DNAJC9: variants seen among roughly 807,000 people sequenced by gnomAD.
The protein encoded by DNAJC9 is dnaJ homolog subfamily C member 9.
Under a neutral mutation model 32.4 loss-of-function variants are expected in DNAJC9, and 18 were observed. The ratio of observed to expected loss-of-function variants is 0.56; its 90% CI spans 0.38 to 0.82. The LOEUF (loss-of-function observed/expected upper bound fraction) is 0.82. Among genes scored for constraint, DNAJC9 ranks in the 40% least tolerant of loss-of-function variants. DNAJC9 has a pLI of 0.00. For missense variants in DNAJC9, 310 were observed against 321.8 expected (o/e 0.96, Z 0.28); for synonymous variants, 113 against 122.1 (o/e 0.93, Z 0.49).
rs2043979985 is a variant in DNAJC9 at position 73,243,902 on chromosome 10, T to C, written c.604A>G (p.Met202Val). The C allele has an allele frequency of 6.2e-7, 1 of 1,614,146 alleles. No individual in the cohort carries two copies. The change falls in exon 4 of 5, where the codon ATG (methionine) becomes GTG (valine). Residue 202 changes from methionine (M) to valine (V), a missense_variant. By Grantham distance (21) the Met-to-Val change is conservative. Coordinates refer to ENST00000372950, the MANE Select transcript of DNAJC9 (RefSeq NM_015190.5). ...RAQEEAKEAEMSRKELGLDEG... is the reference protein window; with the variant it reads ...RAQEEAKEAEVSRKELGLDEG... ...TCAAGCCCCAACTCCTTTCTGCTCA[T>C]TTCTGCTTCTTTGGCCTCTTCCTGA...
downstream of DNAJC9, among the ~76,000 whole-genome samples, chr10:73,237,701 C>T (rs897965155): frequency 6.6e-6 from 1 of 152,092 alleles, no homozygotes; most frequent in Non-Finnish European, 1.5e-5. Flanking sequence ...GGATTACAGG[C>T]GTGAGCCACC....
intron 3 of DNAJC9, chr10:73,244,504 G>GAAAAAAAAAAAAAAAAA (rs796100576): frequency 1.4e-5 from 1 of 69,814 alleles, no homozygotes. Context: ...AGAAAAAAGA[G>GAAAAAAAAAAAAAAAAA]AAAAAAAAAA....
chr10:73,235,405 A>T, downstream of DNAJC9: 1 of 1,526,830 alleles, frequency 6.5e-7, no homozygotes, highest in Non-Finnish European at 8.8e-7. Flanking sequence ...TTAAGATTTT[A>T]TCTAGAGGCT....
At chr10:73,244,313 T>G (rs889465416) in intron 3 of DNAJC9, 1 of 179,224 alleles carries the variant, frequency 5.6e-6, no homozygotes, top group Non-Finnish European at 1.2e-5. Flanking sequence ...CTGGGTAACA[T>G]AGTGAGACCT....
intron 1 of DNAJC9, 28 bp downstream of exon 1, chr10:73,246,982 G>C: frequency 6.5e-7 from 1 of 1,548,892 alleles, no homozygotes; most frequent in South Asian, 1.2e-5. Context: ...CGCGCAGCCG[G>C]TCGGCTTCGG....
rs191531586 is a variant in DNAJC9, at chr10:73,247,233, T to G, written c.-44A>C. 416 of 1,560,598 alleles carry G rather than the reference T, an allele frequency of 2.7e-4. No individual in the cohort carries two copies. In the Middle Eastern group the frequency reaches 2.7e-3, roughly 10 times the overall value. On this transcript the variant is annotated 5_prime_UTR_variant, in exon 1 of 5. Coordinates refer to ENST00000372950, the MANE Select transcript of DNAJC9 (RefSeq NM_015190.5). ...CCCGGAGGAAGCAGCCGCTCCCAGC[T>G]GCGCCGGGTACAACCCAGGACTGCT...
rs762130947 is a variant in DNAJC9, at chr10:73,245,574, G to A, written c.576+348C>T. ...CCATTCTCTTCTTACCCCCTCAACC[G>A]AGTAAGGATCACTGCCCATCCTGTG... On this transcript the variant is annotated intron_variant, in intron 3 of 4. Coordinates refer to ENST00000372950, the MANE Select transcript of DNAJC9 (RefSeq NM_015190.5). Among the ~76,000 whole-genome samples, 4 of 152,110 alleles carry A rather than the reference G, an allele frequency of 2.6e-5. No individual in the cohort carries two copies. The South Asian group carries it at 8.3e-4, about 31-fold the overall frequency.
chr10:73,247,223 C>A lies in DNAJC9; in HGVS notation c.-34G>T. ...GAGATACGACCCCGGAGGAAGCAGC[C>A]GCTCCCAGCTGCGCCGGGTACAACC... is the stretch of plus-strand genomic sequence containing the variant. On this transcript the variant is annotated 5_prime_UTR_variant, in exon 1 of 5. Coordinates refer to ENST00000372950, the MANE Select transcript of DNAJC9 (RefSeq NM_015190.5). 1 of 1,570,298 alleles carries A rather than the reference C, an allele frequency of 6.4e-7. No homozygotes were observed. The highest frequency in any genetic ancestry group is 8.6e-7 in the Non-Finnish European group (1 of 1,158,790).
rs764216765 is a variant in DNAJC9, at chr10:73,246,007, T to C, written c.491A>G (p.Gln164Arg). ...GACCTCTCCGGCGTCAATAGCTTGC[T>C]GAATGATATTCCTTATCCTGGGTTC... is the stretch of plus-strand genomic sequence containing the variant. ...TEEPRIRNII[Q>R]QAIDAGEVPS... Residue 164 changes from glutamine (Q) to arginine (R), a missense_variant, in exon 3 of 5, where the codon CAG becomes CGG. Physicochemically the swap from Gln to Arg is conservative, Grantham distance 43. Coordinates refer to ENST00000372950, the MANE Select transcript of DNAJC9 (RefSeq NM_015190.5). The C allele has an allele frequency of 6.2e-7, 1 of 1,613,760 alleles. No individual in the cohort carries two copies. Among genetic ancestry groups the C allele is most frequent in the African/African-American group, 1.3e-5 (1 of 75,036 alleles).
chr10:73,232,282 GTAT>G (rs1248931040), intron 2 of DNAJC9, among the ~76,000 whole-genome samples: 1 of 152,118 alleles, frequency 6.6e-6, no homozygotes, highest in Admixed American at 6.5e-5. Context: ...TTTAGGTGTG[GTAT>G]TATTTTATTT....
chr10:73,240,069 C>T (rs1276611521), downstream of DNAJC9, among the ~76,000 whole-genome samples: 1 of 152,158 alleles, frequency 6.6e-6, no homozygotes, highest in Non-Finnish European at 1.5e-5. Context: ...GGGCTACAAG[C>T]AGTGCCACCA....
chr10:73,246,795 T>G lies in DNAJC9; in HGVS notation c.214A>C (p.Arg72=). The change falls in exon 2 of 5, where the codon AGA becomes CGA. Residue 72 remains arginine, a synonymous_variant. Coordinates refer to ENST00000372950, the MANE Select transcript of DNAJC9 (RefSeq NM_015190.5). ...TCATCGTACACTGCTCTCTGTTCTCTGTCACTGAGAACGGAATAGACTTTT... is the reference window on the plus strand; with the variant it reads ...TCATCGTACACTGCTCTCTGTTCTCGGTCACTGAGAACGGAATAGACTTTT... The part of the protein sequence containing the change: ...LGKVYSVLSD[R]EQRAVYDEQG... The G allele has an allele frequency of 6.2e-7, 1 of 1,614,086 alleles. No homozygotes were observed.
rs760154062 is a variant in DNAJC9 at position 73,246,173 on chromosome 10, A to G, written c.325T>C (p.Ser109Pro). 11 of 1,596,898 alleles carry G rather than the reference A, an allele frequency of 6.9e-6. No homozygotes were observed. The highest frequency in any genetic ancestry group is 1.7e-4 in the Middle Eastern group (1 of 6,042). ...AYWRLLFKKISLEDIQAFEKT... is the reference protein window; with the variant it reads ...AYWRLLFKKIPLEDIQAFEKT... ...TCAAAAGCTTGAATGTCCTCTAAAG[A>G]TATCTGATGATAAAGGAGATTTGCT... The change falls in exon 3 of 5, where the codon TCT becomes CCT. Residue 109 changes from serine (S) to proline (P), a missense_variant. Coordinates refer to ENST00000372950, the MANE Select transcript of DNAJC9 (RefSeq NM_015190.5).
intron 1 of DNAJC9, 30 bp from the exon 2 acceptor site, chr10:73,246,858 C>G (rs1030618358): frequency 6.2e-7 from 1 of 1,611,542 alleles, no homozygotes; most frequent in Non-Finnish European, 8.5e-7. Context: ...GTAAATCACC[C>G]CTGCTCCTCC....
downstream of DNAJC9, among the ~76,000 whole-genome samples, chr10:73,237,386 TTGA>T (rs1455640911): frequency 6.6e-6 from 1 of 152,160 alleles, no homozygotes; most frequent in Non-Finnish European, 1.5e-5. Flanking sequence ...TAAGTAGTAC[TTGA>T]TGATTATATT....
At chr10:73,239,418 G>C, downstream of DNAJC9, 8 of 1,495,808 alleles carry the variant, frequency 5.3e-6, no homozygotes, top group Non-Finnish European at 7.3e-6. Context: ...ATTTACTACT[G>C]TGTGGTTGTG....
At chr10:73,245,430 G>A (rs557726681) in intron 3 of DNAJC9, among the ~76,000 whole-genome samples, 14 of 141,224 alleles carry the variant, frequency 9.9e-5, no homozygotes, top group African/African-American at 3.3e-4. Flanking sequence ...GCTGGGGACC[G>A]CTAAGCTAAA....
At chr10:73,235,527 C>T, downstream of DNAJC9, 1 of 1,182,824 alleles carries the variant, frequency 8.5e-7, no homozygotes, top group Admixed American at 3.1e-5. Context: ...ACAGAAATCA[C>T]AAATATTCTA....
chr10:73,234,749 A>T, downstream of DNAJC9: 1 of 1,499,872 alleles, frequency 6.7e-7, no homozygotes, highest in Middle Eastern at 1.7e-4. Context: ...TCTGATTTCT[A>T]ATCAATTTGC....
Sources: allele counts gnomAD v4.1 joint callset (sites outside exome capture counted in the v4.1 genomes callset), GRCh38; gene constraint gnomAD v4.1.1; transcripts MANE v1.5; gene names NCBI Gene and HGNC (gene_info 2026-07-23, HGNC 2026-07-21).